The following NAV2 variants were observed in gnomAD, a reference collection of about 807,000 sequenced individuals.
NAV2 encodes the protein neuron navigator 2.
Under a neutral mutation model 223.2 loss-of-function variants are expected in NAV2, and 54 were observed. That is an observed-to-expected ratio of 0.24 (90% CI 0.19 to 0.30). The LOEUF (loss-of-function observed/expected upper bound fraction) is 0.30. Among genes scored for constraint, NAV2 ranks in the 10% least tolerant of loss-of-function variants. The pLI, the probability that NAV2 is intolerant of heterozygous loss-of-function variation, is 1.00. For missense variants in NAV2, 2,806 were observed against 3,147.5 expected, an observed-to-expected ratio of 0.89 and a Z score of 2.60; for synonymous variants, 1,279 against 1,239.3, an observed-to-expected ratio of 1.03 and a Z score of -0.67.
chr11:19,435,996 A>C (rs1851201255), intron 1 of NAV2, among the ~76,000 whole-genome samples: 1 of 151,800 alleles, frequency 6.6e-6, no homozygotes, highest in Admixed American at 6.6e-5. Context: ...TGATTTGCAA[A>C]TATTTCCCCC....
chr11:19,737,210 G>C (rs2052396934), intron 1 of NAV2, among the ~76,000 whole-genome samples: 1 of 152,232 alleles, frequency 6.6e-6, no homozygotes, highest in East Asian at 1.9e-4. Context: ...GAACAGCCTG[G>C]TCAATCCCAG....
chr11:20,047,874 G>A (rs1231838596), intron 14 of NAV2, among the ~76,000 whole-genome samples: 1 of 152,194 alleles, frequency 6.6e-6, no homozygotes, highest in Non-Finnish European at 1.5e-5. Context: ...TTCAGTGAGT[G>A]TAATAGAGCC....
intron 1 of NAV2, among the ~76,000 whole-genome samples, chr11:19,426,347 A>G (rs569987461): frequency 2.5e-4 from 38 of 152,270 alleles, no homozygotes; most frequent in African/African-American, 8.9e-4. Flanking sequence ...CAGGGCATTT[A>G]ATGGCTTTCT....
intron 1 of NAV2, among the ~76,000 whole-genome samples, chr11:19,576,942 C>T (rs185731554): frequency 6.6e-6 from 1 of 152,294 alleles, no homozygotes; most frequent in African/African-American, 2.4e-5. Context: ...TTTCTAAGGA[C>T]AGCTCCCCCT....
intron 3 of NAV2, among the ~76,000 whole-genome samples, chr11:19,846,040 C>T (rs2060787687): frequency 6.6e-6 from 1 of 152,178 alleles, no homozygotes; most frequent in Admixed American, 6.5e-5. Flanking sequence ...CTGTGCATGG[C>T]ACTGTGGAGA....
chr11:19,953,199 C>A (rs1486140710), intron 10 of NAV2, among the ~76,000 whole-genome samples: 1 of 152,032 alleles, frequency 6.6e-6, no homozygotes, highest in Non-Finnish European at 1.5e-5. Context: ...AGTAGATATC[C>A]CTTTATGGAC....
intron 1 of NAV2, among the ~76,000 whole-genome samples, chr11:19,650,193 T>C (rs535262689): frequency 2.2e-4 from 34 of 152,304 alleles, no homozygotes; most frequent in African/African-American, 7.5e-4. Context: ...AGTTGGGCCG[T>C]AATCCAATAT....
intron 1 of NAV2, among the ~76,000 whole-genome samples, chr11:19,773,336 G>T (rs748325869): frequency 3.9e-5 from 6 of 152,160 alleles, no homozygotes; most frequent in Non-Finnish European, 5.9e-5. Flanking sequence ...AGACTCTGAG[G>T]GGTCAGCCCC....
intron 1 of NAV2, among the ~76,000 whole-genome samples, chr11:19,596,314 A>T (rs1402520846): frequency 6.6e-6 from 1 of 152,134 alleles, no homozygotes; most frequent in Non-Finnish European, 1.5e-5. Flanking sequence ...TAAATCCTAG[A>T]CTTGCCCTAG....
chr11:19,476,218 C>G lies in NAV2; in HGVS notation c.75+125191C>G, dbSNP rs191718456. The stretch of plus-strand genomic sequence containing the variant: ...TCGATCTCTTGACCTTGTGATCCAC[C>G]TGCCTCGGCCTCCCAAAGTGCTGGG... On this transcript the variant is annotated intron_variant, in intron 1 of 37. Coordinates refer to the NAV2 transcript ENST00000360655. 2.4e-3 allele frequency among the ~76,000 whole-genome samples: 368 copies of G among 152,306 alleles called. 1 individual carries two copies. Among genetic ancestry groups the G allele is most frequent in the African/African-American group, 8.2e-3 (339 of 41,556 alleles).
intron 5 of NAV2, 71 bp from the exon 6 acceptor site, chr11:19,892,363 C>G: frequency 1.4e-6 from 2 of 1,445,994 alleles, no homozygotes; most frequent in Non-Finnish European, 1.9e-6. Flanking sequence ...TGCATGGTTG[C>G]AGTTCCTTCT....
At chr11:19,984,344 T>C in intron 11 of NAV2, 97 bp downstream of exon 11, 1 of 1,574,384 alleles carries the variant, frequency 6.4e-7, no homozygotes, top group South Asian at 1.1e-5. Context: ...GAATGGAGAC[T>C]TGAACCCACA....
At position 19,933,843 on chromosome 11, in the gene NAV2, A is replaced by T. The variant is rs141566825; in HGVS notation, c.1599A>T (p.Pro533=). Residue 533 remains proline, a synonymous_variant, in exon 7 of 38, where the codon CCA becomes CCT. Coordinates refer to ENST00000349880, the MANE Select transcript of NAV2 (RefSeq NM_145117.5). The surrounding 1 kb of genome is among the most constrained non-coding windows in gnomAD (Gnocchi z 4.3). ...DPSGAAVPEM[P]KKSSKIASFI... Reference sequence around the variant, plus strand: ...GTGGAGCAGCTGTGCCCGAGATGCCAAAAAAGTCCTCCAAGATTGCCAGCT... The same window carrying T: ...GTGGAGCAGCTGTGCCCGAGATGCCTAAAAAGTCCTCCAAGATTGCCAGCT... 108 of 1,607,354 alleles carry T rather than the reference A, an allele frequency of 6.7e-5. No individual in the cohort carries two copies. The African/African-American group carries it at 1.3e-3, about 20-fold the overall frequency.
chr11:19,443,226 G>T (rs1851467493), intron 1 of NAV2, among the ~76,000 whole-genome samples: 1 of 152,126 alleles, frequency 6.6e-6, no homozygotes, highest in Admixed American at 6.5e-5. Flanking sequence ...TGCCCTCTAT[G>T]CCAGGCCTTA....
At chr11:19,507,200 A>C (rs2043147720) in intron 1 of NAV2, 1 of 152,192 alleles carries the variant, frequency 6.6e-6, no homozygotes. Context: ...TATAGCAGTT[A>C]AGTGCAAATT....
intron 1 of NAV2, chr11:19,506,178 A>T (rs2134190838): frequency 6.6e-6 from 1 of 152,420 alleles, no homozygotes; most frequent in African/African-American, 2.4e-5. Context: ...CCCAGTCCTA[A>T]TGGCAGCCTC....
At chr11:19,663,586 C>A (rs565734008) in intron 1 of NAV2, among the ~76,000 whole-genome samples, 2 of 152,322 alleles carry the variant, frequency 1.3e-5, no homozygotes, top group East Asian at 1.9e-4. Context: ...TCATATAGCA[C>A]CCAGCCTCAC....
chr11:19,551,698 C>T (rs748853963), intron 1 of NAV2, among the ~76,000 whole-genome samples: 6 of 152,148 alleles, frequency 3.9e-5, no homozygotes, highest in Non-Finnish European at 8.8e-5. Context: ...AACCCAGCCA[C>T]GTCCTGCTTC....
At chr11:19,778,462 AC>A (rs770620501) in intron 1 of NAV2, 8 of 421,520 alleles carry the variant, frequency 1.9e-5, no homozygotes, top group Non-Finnish European at 3.8e-5. Flanking sequence ...TGGAATGCAT[AC>A]TTACTGGTGT....
Sources: allele counts gnomAD v4.1 joint callset (sites outside exome capture counted in the v4.1 genomes callset), GRCh38; gene constraint gnomAD v4.1.1; non-coding constraint Gnocchi (gnomAD v3.1); transcripts MANE v1.5; gene names NCBI Gene and HGNC (gene_info 2026-07-23, HGNC 2026-07-21).